The following IGSF21 variants were observed in gnomAD, a reference collection of about 807,000 sequenced individuals.
IGSF21 encodes immunoglobulin superfamily member 21.
In IGSF21, 28 loss-of-function variants were observed where a neutral mutation model predicts 46.8. That is an observed-to-expected ratio of 0.60 (90% CI 0.44 to 0.82). The LOEUF is 0.82. IGSF21 is among the 40% of genes least tolerant of loss of function. IGSF21 has a pLI of 0.00. For missense variants in IGSF21, 624 were observed against 665.5 expected (o/e 0.94, Z 0.69); for synonymous variants, 284 against 273.6 (o/e 1.04, Z -0.38).
chr1:18,324,957 G>A (rs1341202328), intron 3 of IGSF21, among the ~76,000 whole-genome samples: 1 of 152,216 alleles, frequency 6.6e-6, no homozygotes, highest in Non-Finnish European at 1.5e-5. Context: ...CATTGTTAAG[G>A]TGTCCTTAGT....
At chr1:18,119,292 C>A (rs2086212933) in intron 1 of IGSF21, among the ~76,000 whole-genome samples, 1 of 152,242 alleles carries the variant, frequency 6.6e-6, no homozygotes, top group South Asian at 2.1e-4. Context: ...GGCTTACAGT[C>A]TAGGGCTACG....
chr1:18,278,930 T>G (rs1323665700), intron 2 of IGSF21: 1 of 471,452 alleles, frequency 2.1e-6, no homozygotes. Flanking sequence ...TACACTTTCC[T>G]GCATGTTGGG....
intron 4 of IGSF21, among the ~76,000 whole-genome samples, chr1:18,357,296 T>C (rs558868943): frequency 8.7e-6 from 1 of 114,782 alleles, no homozygotes; most frequent in South Asian, 2.8e-4. Flanking sequence ...GAAGATGGAG[T>C]GGGGATGAGG....
intron 2 of IGSF21, among the ~76,000 whole-genome samples, chr1:18,246,327 C>T (rs970966381): frequency 6.6e-6 from 1 of 152,092 alleles, no homozygotes; most frequent in African/African-American, 2.4e-5. Flanking sequence ...CCCCTTCCTG[C>T]CTATAGATTT....
chr1:18,171,383 T>TC (rs1414956075), intron 1 of IGSF21, among the ~76,000 whole-genome samples: 3 of 151,828 alleles, frequency 2.0e-5, no homozygotes, highest in Admixed American at 6.6e-5. Flanking sequence ...GGGAAATCGC[T>TC]CCCCTCTCTG....
chr1:18,178,352 A>T lies in IGSF21; in HGVS notation c.71-49546A>T, dbSNP rs189391534. Among the ~76,000 whole-genome samples the T allele has an allele frequency of 5.5e-4, 83 of 152,240 alleles. 1 individual carries two copies. The highest frequency in any genetic ancestry group is 4.3e-3 in the Admixed American group (66 of 15,296). On this transcript the variant is annotated intron_variant, in intron 1 of 9. Coordinates refer to ENST00000251296, the MANE Select transcript of IGSF21 (RefSeq NM_032880.5). ...AGGTCCCTTGGCCACCGAAAGGGAG[A>T]CTCGGGTTTCAGCCGAATGTCTTTC...
At chr1:18,236,989 A>G (rs1393800514) in intron 2 of IGSF21, among the ~76,000 whole-genome samples, 1 of 152,142 alleles carries the variant, frequency 6.6e-6, no homozygotes, top group Admixed American at 6.5e-5. Flanking sequence ...TGTCTAGTAA[A>G]GAGTTTTGAG....
intron 1 of IGSF21, among the ~76,000 whole-genome samples, chr1:18,138,574 G>A (rs559822529): frequency 7.4e-4 from 112 of 152,252 alleles, no homozygotes; most frequent in African/African-American, 2.7e-3. Context: ...TTTCACTTTT[G>A]CTCTCTCAGT....
At chr1:18,165,857 C>G (rs997386261) in intron 1 of IGSF21, among the ~76,000 whole-genome samples, 5 of 152,242 alleles carry the variant, frequency 3.3e-5, no homozygotes, top group Non-Finnish European at 5.9e-5. Context: ...CAGCATTCCA[C>G]AAGTTACTTC....
chr1:18,281,701 C>G (rs1007237364), intron 2 of IGSF21, among the ~76,000 whole-genome samples: 3 of 152,104 alleles, frequency 2.0e-5, no homozygotes, highest in African/African-American at 7.3e-5. Flanking sequence ...AGCCCCCGAG[C>G]CCCTCTCTTT....
intron 2 of IGSF21, among the ~76,000 whole-genome samples, chr1:18,274,533 TA>T (rs1372437280): frequency 6.6e-6 from 1 of 152,280 alleles, no homozygotes; most frequent in Non-Finnish European, 1.5e-5. Context: ...TTTATTGGAA[TA>T]CAGTCATGTT....
At chr1:18,307,576 G>A (rs1000551860) in intron 3 of IGSF21, among the ~76,000 whole-genome samples, 5 of 152,186 alleles carry the variant, frequency 3.3e-5, no homozygotes, top group African/African-American at 1.2e-4. Context: ...CCGCCTGCTG[G>A]GTGAAAACTC....
chr1:18,108,509 T>C (rs993457326), intron 1 of IGSF21, among the ~76,000 whole-genome samples: 1 of 151,894 alleles, frequency 6.6e-6, no homozygotes, highest in African/African-American at 2.4e-5. Context: ...AGTGTGTGTG[T>C]GCGTGTGTGT....
At chr1:18,291,769 C>G (rs567841519) in intron 2 of IGSF21, 97 bp from the exon 3 acceptor site, 1 of 1,447,546 alleles carries the variant, frequency 6.9e-7, no homozygotes, top group East Asian at 2.3e-5. Context: ...TGTCCTTCTT[C>G]TGGGCTTCCT....
intron 4 of IGSF21, among the ~76,000 whole-genome samples, chr1:18,339,157 C>T (rs930008977): frequency 2.0e-5 from 3 of 152,184 alleles, no homozygotes; most frequent in Non-Finnish European, 2.9e-5. Context: ...TGGATGTGGG[C>T]CTGGTCATCC....
In IGSF21 at chr1:18,231,487, G is replaced by A. The variant is rs568704284; in HGVS notation, c.183+3477G>A. Among the ~76,000 whole-genome samples the A allele has an allele frequency of 5.9e-5, 9 of 152,302 alleles. No individual in the cohort carries two copies. In the South Asian group the frequency reaches 1.2e-3, roughly 21 times the overall value. On this transcript the variant is annotated intron_variant, in intron 2 of 9. Transcript: ENST00000251296. ...GGCCAAGTGGGGAGGAGCTCAGCCCGTTTGTAGAATAAGATGCCAAAACTA... is the reference window on the plus strand; with the variant it reads ...GGCCAAGTGGGGAGGAGCTCAGCCCATTTGTAGAATAAGATGCCAAAACTA...
intron 3 of IGSF21, among the ~76,000 whole-genome samples, chr1:18,307,554 C>T (rs917520037): frequency 8.5e-5 from 13 of 152,194 alleles, no homozygotes; most frequent in Admixed American, 2.0e-4. Flanking sequence ...GCAGCTGAGC[C>T]GGGATTCAAA....
chr1:18,118,611 G>A (rs1013100916), intron 1 of IGSF21, among the ~76,000 whole-genome samples: 3 of 152,188 alleles, frequency 2.0e-5, no homozygotes, highest in Non-Finnish European at 4.4e-5. Context: ...GGGCGGCAAA[G>A]GCAGTCACCC....
chr1:18,297,855 G>A (rs2085326801), intron 3 of IGSF21, among the ~76,000 whole-genome samples: 1 of 151,850 alleles, frequency 6.6e-6, no homozygotes, highest in Admixed American at 6.6e-5. Flanking sequence ...CGGTTGGTTG[G>A]ATCTGCAGAT....
Sources: gnomAD v4.1 joint callset for allele counts (sites outside exome capture counted in the v4.1 genomes callset) on GRCh38, gnomAD v4.1.1 for gene constraint, MANE v1.5 for transcripts, NCBI Gene and HGNC (gene_info 2026-07-23, HGNC 2026-07-21) for gene names.